The following ARHGAP42 variants were observed in gnomAD, a reference collection of about 807,000 sequenced individuals.
ARHGAP42 encodes Rho GTPase activating protein 42.
In ARHGAP42, 63 loss-of-function variants were observed where a neutral mutation model predicts 125.0. The observed-to-expected ratio is 0.50, with a 90% confidence interval of 0.41 to 0.62. The LOEUF is 0.62. Ranked by LOEUF, ARHGAP42 falls within the 20% of genes least tolerant of loss-of-function variation. The probability of loss-of-function intolerance (pLI) is 0.00; values close to 1 mark genes in which losing one functional copy is unlikely to be tolerated. For missense variants in ARHGAP42, 766 were observed against 1,024.2 expected (o/e 0.75, Z 3.44); for synonymous variants, 339 against 351.0 (o/e 0.97, Z 0.38).
chr11:100,728,390 C>G lies in ARHGAP42; in HGVS notation c.154+40558C>G, dbSNP rs149738805. On this transcript the variant is annotated intron_variant, in intron 1 of 23. Transcript: ENST00000298815. The stretch of plus-strand genomic sequence containing the variant: ...TCCAGTTTAGCCAGGGGCTTACTGA[C>G]TAGAAAGTCTTCCCCTGAGAGAGAG... 3.9e-3 allele frequency among the ~76,000 whole-genome samples: 592 copies of G among 152,200 alleles called. 6 individuals are homozygous for G. Among genetic ancestry groups the G allele is most frequent in the African/African-American group, 0.014 (571 of 41,538 alleles).
In ARHGAP42 at chr11:100,739,424, T is replaced by C. The variant is rs1402993051; in HGVS notation, c.155-30919T>C. ...TCAAAAATAACTTCAGATTGCAATT[T>C]GTTCTAAAGAGGATAAAGTAGATAT... is the stretch of plus-strand genomic sequence containing the variant. On this transcript the variant is annotated intron_variant, in intron 1 of 23. Transcript: ENST00000298815. 2.0e-5 allele frequency among the ~76,000 whole-genome samples: 3 copies of C among 152,194 alleles called. No homozygotes were observed. In the East Asian group the frequency reaches 5.8e-4, roughly 29 times the overall value.
chr11:100,765,321 T>C (rs961532041), intron 1 of ARHGAP42, among the ~76,000 whole-genome samples: 1 of 152,176 alleles, frequency 6.6e-6, no homozygotes, highest in African/African-American at 2.4e-5. Flanking sequence ...TGTGCCTTTT[T>C]ATTTGCCACC....
chr11:100,795,954 C>A (rs895297902), intron 3 of ARHGAP42, among the ~76,000 whole-genome samples: 5 of 152,188 alleles, frequency 3.3e-5, no homozygotes, highest in Admixed American at 2.6e-4. Context: ...ACCTCACTGT[C>A]CACTTGGGGG....
intron 4 of ARHGAP42, among the ~76,000 whole-genome samples, chr11:100,890,431 A>C (rs1866189902): frequency 6.6e-6 from 1 of 152,212 alleles, no homozygotes; most frequent in African/African-American, 2.4e-5. Context: ...AGTAATTTAC[A>C]AGAAGTTACC....
Position 100,976,110 on chromosome 11 carries a change from C to T in ARHGAP42, c.1909C>T (p.Leu637Phe), listed in dbSNP as rs368996610. 34 of 1,549,876 alleles carry T rather than the reference C, an allele frequency of 2.2e-5. No individual in the cohort carries two copies. Among genetic ancestry groups the T allele is most frequent in the Admixed American group, 7.9e-5 (4 of 50,874 alleles). The change falls in exon 20 of 24, where the codon CTC (leucine) becomes TTC (phenylalanine). Residue 637 changes from leucine to phenylalanine, a missense_variant. Coordinates refer to ENST00000298815, the MANE Select transcript of ARHGAP42 (RefSeq NM_152432.4). ...DSTPMGSIESLSSHSSEQNST... is the reference protein window; with the variant it reads ...DSTPMGSIESFSSHSSEQNST... ...CACACCTATGGGGAGCATTGAGTCACTCTCTTCTCATTCCTCTGAACAAAA... is the reference window on the plus strand; with the variant it reads ...CACACCTATGGGGAGCATTGAGTCATTCTCTTCTCATTCCTCTGAACAAAA...
At chr11:100,847,358 A>G (rs1443482966) in intron 3 of ARHGAP42, among the ~76,000 whole-genome samples, 2 of 152,150 alleles carry the variant, frequency 1.3e-5, no homozygotes, top group Non-Finnish European at 2.9e-5. Context: ...GGACTGTCAA[A>G]TGCATCTGCC....
At chr11:100,845,856 C>A (rs1053207288) in intron 3 of ARHGAP42, among the ~76,000 whole-genome samples, 5 of 152,136 alleles carry the variant, frequency 3.3e-5, no homozygotes, top group Admixed American at 6.6e-5. Context: ...GTTTTTGACC[C>A]TTCATTCTTC....
intron 3 of ARHGAP42, among the ~76,000 whole-genome samples, chr11:100,838,738 A>G (rs1041731757): frequency 1.1e-4 from 17 of 151,970 alleles, no homozygotes; most frequent in African/African-American, 3.9e-4. Context: ...AAAAAAAATC[A>G]TAGTGTTTAA....
chr11:100,947,719 T>G (rs1565289454), intron 10 of ARHGAP42, among the ~76,000 whole-genome samples: 1 of 151,884 alleles, frequency 6.6e-6, no homozygotes, highest in East Asian at 1.9e-4. Flanking sequence ...TCATTCCAGG[T>G]TTTTAATTAT....
At chr11:100,898,150 T>C (rs1262911768) in intron 4 of ARHGAP42, among the ~76,000 whole-genome samples, 1 of 152,164 alleles carries the variant, frequency 6.6e-6, no homozygotes, top group African/African-American at 2.4e-5. Flanking sequence ...CGTTTACTGG[T>C]TTTTGTATGT....
At chr11:100,766,229 G>GTGTGTGTC (rs1472830656) in intron 1 of ARHGAP42, among the ~76,000 whole-genome samples, 1 of 151,340 alleles carries the variant, frequency 6.6e-6, no homozygotes, top group Non-Finnish European at 1.5e-5. Context: ...TGGGGTGTGT[G>GTGTGTGTC]TGTGTGTGTG....
chr11:100,968,877 G>T (rs996735278), intron 17 of ARHGAP42, among the ~76,000 whole-genome samples: 2 of 151,964 alleles, frequency 1.3e-5, no homozygotes, highest in African/African-American at 4.8e-5. Flanking sequence ...AAAGGAAGGA[G>T]AAGAAATATA....
chr11:100,897,355 A>C (rs1278269814), intron 4 of ARHGAP42, among the ~76,000 whole-genome samples: 1 of 152,168 alleles, frequency 6.6e-6, no homozygotes, highest in African/African-American at 2.4e-5. Flanking sequence ...ACTTTAAAGT[A>C]GTTTTTTCCA....
intron 2 of ARHGAP42, among the ~76,000 whole-genome samples, chr11:100,789,250 C>T (rs760101591): frequency 6.6e-6 from 1 of 152,210 alleles, no homozygotes; most frequent in East Asian, 1.9e-4. Context: ...TTGGTTCAAT[C>T]TGGCTTTTAT....
chr11:100,939,295 A>T (rs1467822346), intron 8 of ARHGAP42, among the ~76,000 whole-genome samples: 1 of 151,974 alleles, frequency 6.6e-6, no homozygotes, highest in Non-Finnish European at 1.5e-5. Context: ...TGTCATAATG[A>T]TATTGCAAGA....
chr11:100,949,869 G>T (rs1868129599), intron 11 of ARHGAP42, 48 bp from the exon 12 acceptor site: 1 of 1,257,700 alleles, frequency 8.0e-7, no homozygotes. Flanking sequence ...AATCTTTTGT[G>T]CTGGGTCATT....
At chr11:100,988,429 A>G (rs888838658) in intron 23 of ARHGAP42, among the ~76,000 whole-genome samples, 4 of 152,216 alleles carry the variant, frequency 2.6e-5, no homozygotes, top group African/African-American at 9.6e-5. Context: ...AATATATAGT[A>G]TAACAACTAT....
At chr11:100,908,113 A>C (rs1866797376) in intron 4 of ARHGAP42, among the ~76,000 whole-genome samples, 1 of 152,206 alleles carries the variant, frequency 6.6e-6, no homozygotes, top group Non-Finnish European at 1.5e-5. Context: ...ATTTTTAAAA[A>C]CTTCTAGTAA....
At chr11:100,841,753 T>A (rs762312805) in intron 3 of ARHGAP42, among the ~76,000 whole-genome samples, 1 of 152,094 alleles carries the variant, frequency 6.6e-6, no homozygotes, top group Non-Finnish European at 1.5e-5. Context: ...GATCTTTGAG[T>A]AGGGGTTGGA....
Sources: gnomAD v4.1 joint callset for allele counts (sites outside exome capture counted in the v4.1 genomes callset) on GRCh38, gnomAD v4.1.1 for gene constraint, MANE v1.5 for transcripts, NCBI Gene and HGNC (gene_info 2026-07-23, HGNC 2026-07-21) for gene names.